OSER1: variants seen among roughly 807,000 people sequenced by gnomAD.
OSER1 encodes oxidative stress-responsive serine-rich protein 1.
OSER1 carries 15 observed loss-of-function variants against 26.3 expected under a neutral mutation model. The observed-to-expected ratio is 0.57, with a 90% CI of 0.38 to 0.88. OSER1 has a LOEUF of 0.88. Among genes scored for constraint, OSER1 ranks in the 40% least tolerant of loss-of-function variants. OSER1 has a pLI of 0.00. For synonymous variants in OSER1, 127 were observed against 128.2 expected (o/e 0.99, Z 0.07); for missense variants, 313 against 353.9 (o/e 0.88, Z 0.93).
rs1246032036 is a variant in OSER1 at position 44,196,135 on chromosome 20, T to C, written c.*917A>G. Among the ~76,000 whole-genome samples the C allele has an allele frequency of 6.6e-6, 1 of 152,098 alleles. No homozygotes were observed. The highest frequency in any genetic ancestry group is 1.5e-5 in the Non-Finnish European group (1 of 68,026). On this transcript the variant is annotated 3_prime_UTR_variant, in exon 4 of 4. Coordinates refer to ENST00000255174, the MANE Select transcript of OSER1 (RefSeq NM_016470.8). ...TGAAACCGAAGACAGATTTTTTTTT[T>C]ACCAAACTGGAGGGAATTTTGAAAT...
In OSER1 at chr20:44,196,220, G is replaced by A. The variant is rs1343499252; in HGVS notation, c.*832C>T. ...AATTCTCTTTTAGGGTTGCTGGGGTGACAGGGCAGCTCAAAGAGGTAACCA... is the reference window on the plus strand; with the variant it reads ...AATTCTCTTTTAGGGTTGCTGGGGTAACAGGGCAGCTCAAAGAGGTAACCA... On this transcript the variant is annotated 3_prime_UTR_variant, in exon 4 of 4. Coordinates refer to ENST00000255174, the MANE Select transcript of OSER1 (RefSeq NM_016470.8). 6.7e-6 allele frequency among the ~76,000 whole-genome samples: 1 copy of A among 149,480 alleles called. No individual in the cohort carries two copies. The highest frequency in any genetic ancestry group is 1.5e-5 in the Non-Finnish European group (1 of 67,622).
At chr20:44,199,878 G>C (rs1352894594) in intron 3 of OSER1, among the ~76,000 whole-genome samples, 2 of 152,196 alleles carry the variant, frequency 1.3e-5, no homozygotes, top group African/African-American at 4.8e-5. Context: ...ATGGATAAGA[G>C]GGGACTTGTA....
chr20:44,209,404 T>C (rs1277670449), intron 1 of OSER1, among the ~76,000 whole-genome samples: 1 of 152,218 alleles, frequency 6.6e-6, no homozygotes, highest in Non-Finnish European at 1.5e-5. Flanking sequence ...TTTGTAATTA[T>C]AAAAGGCTCA....
rs1268449799 is a variant in OSER1, at chr20:44,196,679, T to C, written c.*373A>G. The C allele has an allele frequency of 1.1e-5, 2 of 188,282 alleles. No individual in the cohort carries two copies. 11.7% of individuals were successfully genotyped at this position (188,282 alleles called of 1,614,324 possible). A position where few individuals can be genotyped will look rare whatever the true frequency, so the allele number is the denominator to read the frequency against. ...ACAGCATGACAAATGTTTAGTGCAG[T>C]TACAAAATCACATTTTACTTTCCTT... is the stretch of plus-strand genomic sequence containing the variant. On this transcript the variant is annotated 3_prime_UTR_variant, in exon 4 of 4. Coordinates refer to ENST00000255174, the MANE Select transcript of OSER1 (RefSeq NM_016470.8).
intron 1 of OSER1, among the ~76,000 whole-genome samples, chr20:44,209,177 C>T (rs1448699250): frequency 6.6e-6 from 1 of 152,200 alleles, no homozygotes. Flanking sequence ...TTAATACAAA[C>T]TTTACATTCC....
At chr20:44,208,020 CA>C in intron 1 of OSER1, among the ~76,000 whole-genome samples, 1 of 151,934 alleles carries the variant, frequency 6.6e-6, no homozygotes, top group African/African-American at 2.4e-5. Flanking sequence ...CAGAGAGAAT[CA>C]GAAGAAAAGT....
intron 3 of OSER1, among the ~76,000 whole-genome samples, chr20:44,198,460 A>G (rs1258023324): frequency 6.6e-6 from 1 of 152,088 alleles, no homozygotes; most frequent in East Asian, 1.9e-4. Flanking sequence ...TCTACTAAAA[A>G]TACAAAAAAT....
At chr20:44,198,142 G>C (rs1364356292) in intron 3 of OSER1, among the ~76,000 whole-genome samples, 2 of 152,108 alleles carry the variant, frequency 1.3e-5, no homozygotes, top group Non-Finnish European at 2.9e-5. Flanking sequence ...AGCAGCTTCA[G>C]AACCACTGTG....
chr20:44,201,807 G>A (rs967558766), intron 3 of OSER1, among the ~76,000 whole-genome samples: 1 of 151,974 alleles, frequency 6.6e-6, no homozygotes, highest in Non-Finnish European at 1.5e-5. Flanking sequence ...ACCACTAGAG[G>A]AAAAGAACAA....
At position 44,197,602 on chromosome 20, in the gene OSER1, C is replaced by A. The variant is rs1464302279; in HGVS notation, c.329G>T (p.Ser110Ile). ...SSSSSQLKHK[S>I]QTDSPDGSSG... Reference sequence around the variant, plus strand: ...GCTGCCATCAGGTGAGTCAGTCTGGCTTTTGTGCTTGAGTTGACTGCTGGA... The same window carrying A: ...GCTGCCATCAGGTGAGTCAGTCTGGATTTTGTGCTTGAGTTGACTGCTGGA... Residue 110 changes from serine to isoleucine, a missense_variant, in exon 4 of 4, where the codon AGC becomes ATC. Ser to Ile is a moderately radical substitution (Grantham distance 142). Coordinates refer to ENST00000255174, the MANE Select transcript of OSER1 (RefSeq NM_016470.8). 6.2e-7 allele frequency: 1 copy of A among 1,614,090 alleles called. No individual in the cohort carries two copies. Among genetic ancestry groups the A allele is most frequent in the Non-Finnish European group, 8.5e-7 (1 of 1,180,044 alleles).
In OSER1 at chr20:44,197,663, G is replaced by T; in HGVS notation, c.268C>A (p.Pro90Thr). The T allele has an allele frequency of 6.2e-7, 1 of 1,614,040 alleles. No individual in the cohort carries two copies. The highest frequency in any genetic ancestry group is 8.5e-7 in the Non-Finnish European group (1 of 1,179,890). Residue 90 changes from proline to threonine, a missense_variant, in exon 4 of 4, where the codon CCA becomes ACA. Pro to Thr is a conservative substitution (Grantham distance 38). Transcript: ENST00000255174. ...ATTGTACTGCAATGTATAAACTTTG[G>T]AGGATGAAGGACAGGAGACTTAGAA... ...RRSKSPVLHP[P>T]KFIHCSTIAS...
chr20:44,208,326 T>C lies in OSER1; in HGVS notation c.-41-1328A>G, dbSNP rs563949883. 2.0e-5 allele frequency among the ~76,000 whole-genome samples: 3 copies of C among 151,678 alleles called. No individual in the cohort carries two copies. The East Asian group carries it at 5.8e-4, about 29-fold the overall frequency. The stretch of plus-strand genomic sequence containing the variant: ...CAGCGCAAAATAAAGAGGCAAGGAA[T>C]CAGGACTTTTCACTTTACTTATTTG... On this transcript the variant is annotated intron_variant, in intron 1 of 3. Transcript: ENST00000255174.
intron 2 of OSER1, among the ~76,000 whole-genome samples, chr20:44,206,087 G>C (rs2073035176): frequency 6.6e-6 from 1 of 151,986 alleles, no homozygotes. Context: ...AATGACAGTA[G>C]TACCCATGTC....
intron 3 of OSER1, among the ~76,000 whole-genome samples, chr20:44,199,575 TAAGGA>T (rs756627442): frequency 1.7e-4 from 26 of 152,108 alleles, no homozygotes; most frequent in Admixed American, 6.5e-4. Context: ...CTTGACTTAA[TAAGGA>T]AAGGAAAAAA....
rs144114781 is a variant in OSER1 at position 44,206,423 on chromosome 20, G to C, written c.77+458C>G. On this transcript the variant is annotated intron_variant, in intron 2 of 3. Coordinates refer to ENST00000255174, the MANE Select transcript of OSER1 (RefSeq NM_016470.8). ...AAAGGGTCCAAGGTTATTGATCTCAGTGACAGAACCCTCCTGAATAGAGGT... is the reference window on the plus strand; with the variant it reads ...AAAGGGTCCAAGGTTATTGATCTCACTGACAGAACCCTCCTGAATAGAGGT... Among the ~76,000 whole-genome samples, 161 of 152,312 alleles carry C rather than the reference G, an allele frequency of 1.1e-3. 1 individual carries two copies. Among genetic ancestry groups the C allele is most frequent in the African/African-American group, 3.8e-3 (157 of 41,564 alleles).
At chr20:44,201,589 G>C (rs1035528134) in intron 3 of OSER1, among the ~76,000 whole-genome samples, 5 of 152,154 alleles carry the variant, frequency 3.3e-5, no homozygotes, top group African/African-American at 1.2e-4. Flanking sequence ...AACACTGTCT[G>C]CTTAAATAAT....
chr20:44,200,172 C>T (rs372645496), intron 3 of OSER1, among the ~76,000 whole-genome samples: 3 of 152,350 alleles, frequency 2.0e-5, no homozygotes, highest in South Asian at 4.1e-4. Flanking sequence ...CTGTTGGCAA[C>T]TGCTGATCAT....
At chr20:44,202,684 A>T (rs1018567040) in intron 3 of OSER1, among the ~76,000 whole-genome samples, 3 of 152,216 alleles carry the variant, frequency 2.0e-5, no homozygotes, top group Admixed American at 6.5e-5. Flanking sequence ...AGGTTCCAAT[A>T]ACACATTTAA....
chr20:44,206,615 G>C (rs914203184), intron 2 of OSER1, among the ~76,000 whole-genome samples: 1 of 152,168 alleles, frequency 6.6e-6, no homozygotes. Flanking sequence ...AAAAGAAGTG[G>C]GGGGGAAGCC....
Sources: gnomAD v4.1 joint callset for allele counts (sites outside exome capture counted in the v4.1 genomes callset) on GRCh38, gnomAD v4.1.1 for gene constraint, MANE v1.5 for transcripts, NCBI Gene and HGNC (gene_info 2026-07-23, HGNC 2026-07-21) for gene names.